LARGE1: variants seen among roughly 807,000 people sequenced by gnomAD.
LARGE1 encodes the protein LARGE xylosyl- and glucuronyltransferase 1.
A neutral mutation model predicts 87.6 loss-of-function variants in LARGE1; 43 were observed. The ratio of observed to expected loss-of-function variants is 0.49; its 90% confidence interval spans 0.38 to 0.63. LARGE1 has a LOEUF of 0.63. Among genes scored for constraint, LARGE1 ranks in the 30% least tolerant of loss-of-function variants. LARGE1 has a pLI of 0.00. For synonymous variants in LARGE1, 434 were observed against 394.6 expected, an observed-to-expected ratio of 1.10 and a Z score of -1.18; for missense variants, 802 against 1,000.2, an observed-to-expected ratio of 0.80 and a Z score of 2.67.
intron 1 of LARGE1, among the ~76,000 whole-genome samples, chr22:33,849,251 C>G (rs980895398): frequency 6.6e-6 from 1 of 152,210 alleles, no homozygotes; most frequent in East Asian, 1.9e-4. Context: ...GTCCAGCAGA[C>G]ACACAGGCCC....
the LARGE1 span, among the ~76,000 whole-genome samples, chr22:33,128,974 T>G: frequency 6.6e-6 from 1 of 152,202 alleles, no homozygotes; most frequent in African/African-American, 2.4e-5. Context: ...ATAGCTAATG[T>G]GTGCTGGGCT....
intron 9 of LARGE1, among the ~76,000 whole-genome samples, chr22:33,361,673 G>C (rs951317753): frequency 6.8e-6 from 1 of 146,530 alleles, no homozygotes; most frequent in African/African-American, 2.5e-5. Context: ...TTTCCTATCT[G>C]AATCTGAATT....
the LARGE1 span, among the ~76,000 whole-genome samples, chr22:33,082,589 T>C: frequency 6.6e-6 from 1 of 152,154 alleles, no homozygotes; most frequent in East Asian, 1.9e-4. Context: ...CATTTACTTA[T>C]TCACTCACTG....
chr22:33,799,247 T>C (rs557922023), intron 1 of LARGE1, among the ~76,000 whole-genome samples: 48 of 152,138 alleles, frequency 3.2e-4, no homozygotes, highest in Admixed American at 2.7e-3. Flanking sequence ...CACGTGAAGT[T>C]AGACTAAGCA....
intron 5 of LARGE1, among the ~76,000 whole-genome samples, chr22:33,580,652 C>T (rs2078491873): frequency 6.6e-6 from 1 of 152,054 alleles, no homozygotes; most frequent in South Asian, 2.1e-4. Flanking sequence ...TGTATATATA[C>T]AATGTAAGGG....
intron 11 of LARGE1, among the ~76,000 whole-genome samples, chr22:33,183,624 A>T: frequency 9.8e-6 from 1 of 102,406 alleles, no homozygotes. Context: ...ACACACGCAC[A>T]CACACACACA....
intron 6 of LARGE1, among the ~76,000 whole-genome samples, chr22:33,546,408 T>G (rs1335544816): frequency 1.3e-5 from 2 of 152,134 alleles, no homozygotes; most frequent in Non-Finnish European, 2.9e-5. Context: ...TCTCTTAGGT[T>G]ATGGGGGATG....
chr22:33,632,603 T>G (rs2080145771), intron 3 of LARGE1, among the ~76,000 whole-genome samples: 1 of 152,084 alleles, frequency 6.6e-6, no homozygotes, highest in Admixed American at 6.6e-5. Flanking sequence ...CCTGCCTCTG[T>G]GTTGCCTCCC....
intron 7 of LARGE1, among the ~76,000 whole-genome samples, chr22:33,393,286 C>T (rs146318682): frequency 1.3e-5 from 2 of 152,084 alleles, no homozygotes; most frequent in East Asian, 1.9e-4. Context: ...TATGGGGCTG[C>T]GGAAATATCC....
chr22:33,418,641 G>A (rs5754545), intron 7 of LARGE1, among the ~76,000 whole-genome samples: 1 of 152,130 alleles, frequency 6.6e-6, no homozygotes, highest in Non-Finnish European at 1.5e-5. Context: ...GAGCGGTCCA[G>A]GCAAAGAGCT....
chr22:33,535,847 A>C (rs969989838), intron 6 of LARGE1, among the ~76,000 whole-genome samples: 1 of 151,994 alleles, frequency 6.6e-6, no homozygotes, highest in Non-Finnish European at 1.5e-5. Flanking sequence ...TTCACTCCTG[A>C]AATTTGCCGG....
intron 9 of LARGE1, among the ~76,000 whole-genome samples, chr22:33,357,893 T>A (rs1191000549): frequency 6.6e-6 from 1 of 152,204 alleles, no homozygotes. Context: ...TCTTTCCATC[T>A]CTTCTATAAA....
At position 33,355,685 on chromosome 22, in the gene LARGE1, C is replaced by A. The variant is rs574826084; in HGVS notation, c.1132-17884G>T. Among the ~76,000 whole-genome samples the A allele has an allele frequency of 3.5e-3, 207 of 59,440 alleles. 9 individuals are homozygous for A. Among genetic ancestry groups the A allele is most frequent in the African/African-American group, 6.8e-3 (199 of 29,406 alleles). 39.0% of individuals were successfully genotyped at this position (59,440 alleles called of 152,430 possible). On this transcript the variant is annotated intron_variant, in intron 9 of 14. Coordinates refer to ENST00000397394, the MANE Select transcript of LARGE1 (RefSeq NM_133642.5). Reference sequence around the variant, plus strand: ...ACCACCCTTTCTCTGCCTAGCCCTCCGGCTTTCTGAGGCCCAGTGTTAATA... The same window carrying A: ...ACCACCCTTTCTCTGCCTAGCCCTCAGGCTTTCTGAGGCCCAGTGTTAATA...
intron 1 of LARGE1, among the ~76,000 whole-genome samples, chr22:33,774,544 ATGG>A (rs2085174729): frequency 6.6e-6 from 1 of 151,804 alleles, no homozygotes; most frequent in Non-Finnish European, 1.5e-5. Flanking sequence ...TTTAGTAGAG[ATGG>A]GGGTTTCACC....
At chr22:33,727,962 G>T (rs1395117704) in intron 2 of LARGE1, among the ~76,000 whole-genome samples, 3 of 152,232 alleles carry the variant, frequency 2.0e-5, no homozygotes, top group Non-Finnish European at 4.4e-5. Flanking sequence ...CAGGTAAGGG[G>T]TATTCAGGGG....
chr22:33,860,155 T>C (rs1377923833), intron 1 of LARGE1, among the ~76,000 whole-genome samples: 1 of 152,036 alleles, frequency 6.6e-6, no homozygotes, highest in Non-Finnish European at 1.5e-5. Flanking sequence ...TTTTTTTAAA[T>C]TAAAAAAAAA....
chr22:33,565,311 G>A (rs1410953048), intron 5 of LARGE1, among the ~76,000 whole-genome samples: 2 of 151,942 alleles, frequency 1.3e-5, no homozygotes, highest in Non-Finnish European at 2.9e-5. Context: ...TGTTATTATA[G>A]AAATTAAATA....
intron 3 of LARGE1, among the ~76,000 whole-genome samples, chr22:33,643,406 G>T (rs2080505722): frequency 6.6e-6 from 1 of 152,164 alleles, no homozygotes; most frequent in Admixed American, 6.6e-5. Flanking sequence ...AGTGTTTATA[G>T]GGAAATTTAT....
At chr22:33,594,384 C>T (rs1191983344) in intron 5 of LARGE1, among the ~76,000 whole-genome samples, 1 of 152,176 alleles carries the variant, frequency 6.6e-6, no homozygotes, top group East Asian at 1.9e-4. Flanking sequence ...AAAAGGGCCT[C>T]ATCGAAAATA....
Sources: allele counts gnomAD v4.1 joint callset (sites outside exome capture counted in the v4.1 genomes callset), GRCh38; gene constraint gnomAD v4.1.1; transcripts MANE v1.5; gene names NCBI Gene and HGNC (gene_info 2026-07-23, HGNC 2026-07-21).